The following PCCA variants were observed in gnomAD, a reference collection of about 807,000 sequenced individuals.
PCCA encodes propionyl-CoA carboxylase alpha chain, mitochondrial.
A neutral mutation model predicts 101.3 loss-of-function variants in PCCA; 74 were observed. The observed-to-expected ratio is 0.73, with a 90% CI of 0.61 to 0.89. The LOEUF (loss-of-function observed/expected upper bound fraction) is 0.89, where lower values mean the gene tolerates loss of function less well. PCCA is among the 40% of genes least tolerant of loss of function. PCCA has a pLI of 0.00. For synonymous variants in PCCA, 294 were observed against 313.6 expected (o/e 0.94, Z 0.66); for missense variants, 891 against 907.0 (o/e 0.98, Z 0.23).
intron 16 of PCCA, among the ~76,000 whole-genome samples, chr13:100,328,043 A>T (rs1217496799): frequency 6.6e-6 from 1 of 152,086 alleles, no homozygotes; most frequent in Non-Finnish European, 1.5e-5. Flanking sequence ...GGGCAACAGC[A>T]AAAACGTGTC....
chr13:100,176,837 C>T lies in PCCA; in HGVS notation c.468+19497C>T, dbSNP rs544557371. The stretch of plus-strand genomic sequence containing the variant: ...GTTTATGTGTATGAGGATAAAAATG[C>T]AAGTCTTGAGAATATTAGTTTAGTA... On this transcript the variant is annotated intron_variant, in intron 6 of 23. Transcript: ENST00000376285. Among the ~76,000 whole-genome samples the T allele has an allele frequency of 2.0e-5, 3 of 152,164 alleles. No individual in the cohort carries two copies. In the South Asian group the frequency reaches 6.2e-4, roughly 32 times the overall value.
chr13:100,247,027 G>C (rs572606233), intron 8 of PCCA, among the ~76,000 whole-genome samples: 1 of 151,478 alleles, frequency 6.6e-6, no homozygotes, highest in Middle Eastern at 3.4e-3. Context: ...TCCTGTCTCA[G>C]CCTCCTGAGT....
At chr13:100,292,934 C>CGTGTCTGTGTGTGT (rs2065242721) in intron 12 of PCCA, among the ~76,000 whole-genome samples, 2 of 147,584 alleles carry the variant, frequency 1.4e-5, no homozygotes, top group Non-Finnish European at 3.0e-5. Flanking sequence ...TTTCCAAATT[C>CGTGTCTGTGTGTGT]GTGTGTGTGT....
At chr13:100,263,730 T>A (rs1453980834) in intron 10 of PCCA, among the ~76,000 whole-genome samples, 2 of 152,040 alleles carry the variant, frequency 1.3e-5, no homozygotes, top group South Asian at 2.1e-4. Context: ...TTTGCCTTTT[T>A]AAAAAGATTT....
intron 17 of PCCA, among the ~76,000 whole-genome samples, chr13:100,333,528 T>G (rs2069960647): frequency 6.6e-6 from 1 of 152,236 alleles, no homozygotes; most frequent in African/African-American, 2.4e-5. Flanking sequence ...GCTTCTAAAA[T>G]TAAAAAATAG....
chr13:100,108,975 C>T (rs994057610), intron 2 of PCCA, among the ~76,000 whole-genome samples: 7 of 152,090 alleles, frequency 4.6e-5, no homozygotes, highest in Non-Finnish European at 7.4e-5. Flanking sequence ...GGGTTTTATG[C>T]GCTAATTGGT....
At chr13:100,274,267 G>A (rs1053757348) in intron 12 of PCCA, among the ~76,000 whole-genome samples, 3 of 152,040 alleles carry the variant, frequency 2.0e-5, no homozygotes, top group African/African-American at 4.8e-5. Flanking sequence ...TATAGTATTC[G>A]TTCTTTTGTG....
chr13:100,380,816 G>A (rs1339756963), intron 19 of PCCA, among the ~76,000 whole-genome samples: 1 of 152,068 alleles, frequency 6.6e-6, no homozygotes, highest in Non-Finnish European at 1.5e-5. Flanking sequence ...CCAGAGAATG[G>A]GAAAAAATAT....
intron 19 of PCCA, among the ~76,000 whole-genome samples, chr13:100,422,692 T>C (rs914155550): frequency 6.6e-6 from 1 of 152,168 alleles, no homozygotes; most frequent in Non-Finnish European, 1.5e-5. Context: ...TCAGTCCTTA[T>C]CTTTCTTTTA....
chr13:100,089,138 CG>C lies in PCCA; in HGVS notation c.21del (p.Thr8GlnfsTer18), dbSNP rs1593996210. The C allele has an allele frequency of 6.6e-7, 1 of 1,508,840 alleles. No individual in the cohort carries two copies. Among genetic ancestry groups the C allele is most frequent in the Admixed American group, 2.1e-5 (1 of 48,328 alleles). 93.5% of individuals were successfully genotyped at this position (1,508,840 alleles called of 1,614,324 possible). On this transcript the variant is annotated frameshift_variant, in exon 1 of 24. Coordinates refer to ENST00000376285, the MANE Select transcript of PCCA (RefSeq NM_000282.4). LOFTEE classifies it high-confidence loss of function. ...GGACAACAATGGCGGGGTTCTGGGT[CG>C]GGACAGCACCGCTGGTCGCTGCCGG... MAGFWVGTAPLVAAGRR... is the reference protein window; with the variant it reads MAGFWVXTAPLVAAGRR...
intron 12 of PCCA, among the ~76,000 whole-genome samples, chr13:100,299,439 A>T (rs945903549): frequency 6.6e-6 from 1 of 152,236 alleles, no homozygotes; most frequent in African/African-American, 2.4e-5. Flanking sequence ...CATTTCTTTC[A>T]TATACATTAC....
chr13:100,109,079 C>T (rs575436881), intron 2 of PCCA, among the ~76,000 whole-genome samples: 1 of 152,286 alleles, frequency 6.6e-6, no homozygotes, highest in African/African-American at 2.4e-5. Flanking sequence ...GGGGCACACT[C>T]CTAAATTCAT....
intron 22 of PCCA, 139 bp downstream of exon 22, chr13:100,515,706 C>T (rs1416387949): frequency 3.5e-5 from 33 of 952,030 alleles, no homozygotes; most frequent in South Asian, 1.8e-4. Flanking sequence ...AAATCGATTG[C>T]GTGTGTTGTC....
chr13:100,469,211 CAAAAA>C (rs534361898), intron 21 of PCCA, among the ~76,000 whole-genome samples: 2 of 65,064 alleles, frequency 3.1e-5, no homozygotes. Context: ...AACTCCGTCT[CAAAAA>C]AAAAAAAAAA....
At chr13:100,309,746 G>A in intron 15 of PCCA, 87 bp from the exon 16 acceptor site, 1 of 860,292 alleles carries the variant, frequency 1.2e-6, no homozygotes, top group Non-Finnish European at 1.8e-6. Flanking sequence ...AATCTGTTAT[G>A]AAATATTTTA....
chr13:100,369,293 G>C (rs891898776), intron 19 of PCCA, among the ~76,000 whole-genome samples: 70 of 152,012 alleles, frequency 4.6e-4, no homozygotes, highest in African/African-American at 1.6e-3. Flanking sequence ...CTCTTCTTAC[G>C]GCTAAATTGC....
intron 18 of PCCA, among the ~76,000 whole-genome samples, chr13:100,360,028 C>A (rs1181010026): frequency 2.6e-5 from 4 of 152,148 alleles, no homozygotes; most frequent in Non-Finnish European, 4.4e-5. Flanking sequence ...ATACCTGAGA[C>A]TGGACAGTTT....
intron 21 of PCCA, among the ~76,000 whole-genome samples, chr13:100,484,250 T>C (rs2084184466): frequency 6.6e-6 from 1 of 151,840 alleles, no homozygotes. Context: ...AAGCTGAAAC[T>C]GTAAGGACTG....
chr13:100,345,017 T>C (rs1026498007), intron 18 of PCCA, among the ~76,000 whole-genome samples: 5 of 152,252 alleles, frequency 3.3e-5, no homozygotes, highest in Non-Finnish European at 1.5e-5. Flanking sequence ...GTGTGTGTTC[T>C]GATTCACTGA....
Sources: allele counts gnomAD v4.1 joint callset (sites outside exome capture counted in the v4.1 genomes callset), GRCh38; gene constraint gnomAD v4.1.1; transcripts MANE v1.5; gene names NCBI Gene and HGNC (gene_info 2026-07-23, HGNC 2026-07-21).